Variants in ECE1 observed in about 807,000 individuals in gnomAD.
ECE1 encodes endothelin converting enzyme 1, also known as endothelin-converting enzyme 1.
A neutral mutation model predicts 98.6 loss-of-function variants in ECE1; 35 were observed. The observed-to-expected ratio is 0.35, with a 90% CI of 0.27 to 0.47. ECE1 has a LOEUF of 0.47. ECE1 is among the 20% of genes least tolerant of loss of function. The pLI, the probability that ECE1 is intolerant of heterozygous loss-of-function variation, is 1.00. For missense variants in ECE1, 814 were observed against 1,025.3 expected (o/e 0.79, Z 2.81); for synonymous variants, 394 against 407.1 (o/e 0.97, Z 0.39).
intron 1 of ECE1, among the ~76,000 whole-genome samples, chr1:21,313,326 C>T (rs540454378): frequency 4.6e-5 from 7 of 152,318 alleles, no homozygotes; most frequent in African/African-American, 1.7e-4. Context: ...CAGTACACTC[C>T]ATCCCCCTCA....
chr1:21,273,187 A>G (rs751665233), intron 3 of ECE1, among the ~76,000 whole-genome samples: 1 of 152,094 alleles, frequency 6.6e-6, no homozygotes, highest in Non-Finnish European at 1.5e-5. Flanking sequence ...ATATTCATTG[A>G]CTCTTTATTA....
At chr1:21,239,031 CTA>C (rs1256438029) in intron 10 of ECE1, among the ~76,000 whole-genome samples, 2 of 151,032 alleles carry the variant, frequency 1.3e-5, no homozygotes, top group African/African-American at 4.9e-5. Flanking sequence ...CATCATCCCA[CTA>C]TGTTGCCCAG....
At chr1:21,275,098 G>T (rs1273228569) in intron 3 of ECE1, among the ~76,000 whole-genome samples, 2 of 152,186 alleles carry the variant, frequency 1.3e-5, no homozygotes, top group Non-Finnish European at 2.9e-5. Context: ...ACCACAGGAA[G>T]GAAAATTTTA....
intron 1 of ECE1, among the ~76,000 whole-genome samples, chr1:21,302,952 C>T (rs1474093260): frequency 6.6e-6 from 1 of 152,172 alleles, no homozygotes; most frequent in Non-Finnish European, 1.5e-5. Flanking sequence ...ATCCTCATCT[C>T]CAGCTCTCCC....
At chr1:21,241,915 T>C (rs1283178744) in intron 10 of ECE1, among the ~76,000 whole-genome samples, 3 of 152,274 alleles carry the variant, frequency 2.0e-5, no homozygotes, top group Admixed American at 2.0e-4. Flanking sequence ...GAGTCAGGTC[T>C]GGGAAGATGA....
chr1:21,342,820 T>C (rs1165017581), intron 1 of ECE1, among the ~76,000 whole-genome samples: 1 of 152,110 alleles, frequency 6.6e-6, no homozygotes, highest in Non-Finnish European at 1.5e-5. Flanking sequence ...GGAACCAATG[T>C]TTAGAGGAAA....
chr1:21,245,127 G>A (rs556873427), intron 9 of ECE1, 24 bp from the exon 10 acceptor site: 1 of 1,600,590 alleles, frequency 6.2e-7, no homozygotes, highest in Middle Eastern at 1.7e-4. Flanking sequence ...AGGCCAGAGA[G>A]GCTCAGGGAC....
In ECE1 at chr1:21,219,749, C is replaced by T. The variant is rs1289858681; in HGVS notation, c.*206G>A. ...TGCTGAAGGTGGCGCACACGTGTGCCTGGGATGTCCGGCTCTTCACAGGGG... is the reference window on the plus strand; with the variant it reads ...TGCTGAAGGTGGCGCACACGTGTGCTTGGGATGTCCGGCTCTTCACAGGGG... On this transcript the variant is annotated 3_prime_UTR_variant, in exon 19 of 19. Coordinates refer to ENST00000374893, the MANE Select transcript of ECE1 (RefSeq NM_001397.3). The surrounding 1 kb of genome is among the most constrained non-coding windows in gnomAD (Gnocchi z 4.5). The T allele has an allele frequency of 7.7e-6, 5 of 651,480 alleles. No individual in the cohort carries two copies. Among genetic ancestry groups the T allele is most frequent in the Non-Finnish European group, 1.3e-5 (5 of 372,934 alleles). The allele number at this position is 651,480 out of a possible 1,614,324, so 40.4% of individuals were successfully genotyped here. A position where few individuals can be genotyped will look rare whatever the true frequency, so the allele number is the denominator to read the frequency against.
intron 9 of ECE1, 94 bp from the exon 10 acceptor site, chr1:21,245,197 G>A (rs908938072): frequency 1.8e-6 from 2 of 1,118,524 alleles, no homozygotes. Flanking sequence ...TCTCAAACTT[G>A]GCCTGTGACC....
At chr1:21,257,722 C>G in intron 6 of ECE1, 132 bp from the exon 7 acceptor site, 1 of 932,042 alleles carries the variant, frequency 1.1e-6, no homozygotes, top group Non-Finnish European at 1.7e-6. Flanking sequence ...AGCAGGACTG[C>G]TGGCTACAGT....
chr1:21,345,105 G>A lies in ECE1; in HGVS notation c.3+271C>T, dbSNP rs1361476837. ...AGCAACCGTCCCCAAAGCGAACCGGGGACCCCGAGCCCCCCACATCCGGCT... is the reference window on the plus strand; with the variant it reads ...AGCAACCGTCCCCAAAGCGAACCGGAGACCCCGAGCCCCCCACATCCGGCT... On this transcript the variant is annotated intron_variant, in intron 1 of 18. Transcript: ENST00000415912. The surrounding 1 kb of genome is among the most constrained non-coding windows in gnomAD (Gnocchi z 5.1). 8.0e-6 allele frequency: 2 copies of A among 250,978 alleles called. No homozygotes were observed. The highest frequency in any genetic ancestry group is 5.6e-5 in the Admixed American group (1 of 17,840). The allele number at this position is 250,978 out of a possible 1,614,324, so 15.5% of individuals were successfully genotyped here. A position where few individuals can be genotyped will look rare whatever the true frequency, so the allele number is the denominator to read the frequency against.
chr1:21,311,227 GC>G (rs1638715567), intron 1 of ECE1, among the ~76,000 whole-genome samples: 1 of 152,130 alleles, frequency 6.6e-6, no homozygotes, highest in Non-Finnish European at 1.5e-5. Flanking sequence ...ACACCACAGG[GC>G]CTGCAGGGTC....
At chr1:21,324,291 C>T (rs961233308) in intron 1 of ECE1, among the ~76,000 whole-genome samples, 1 of 152,216 alleles carries the variant, frequency 6.6e-6, no homozygotes, top group Admixed American at 6.5e-5. Flanking sequence ...TGTGCACCAC[C>T]ACACCCGGGC....
chr1:21,246,187 T>G (rs1310746551), intron 9 of ECE1, among the ~76,000 whole-genome samples: 4 of 152,090 alleles, frequency 2.6e-5, no homozygotes, highest in Non-Finnish European at 5.9e-5. Flanking sequence ...TTTTGGTAGT[T>G]TTCAAAAAAT....
rs113034242 is a variant in ECE1, at chr1:21,345,091, C to T, written c.3+285G>A. ...CCAAAACAGACCGCAGCAACCGTCC[C>T]CAAAGCGAACCGGGGACCCCGAGCC... On this transcript the variant is annotated intron_variant, in intron 1 of 18. Coordinates refer to the ECE1 transcript ENST00000415912. This position sits in a 1 kb window ranked among gnomAD's most constrained non-coding sequence, Gnocchi z 5.1. 8.5e-3 allele frequency: 1,985 copies of T among 232,920 alleles called. 44 individuals carry two copies. The highest frequency in any genetic ancestry group is 0.042 in the African/African-American group (1,812 of 43,518). 14.4% of individuals were successfully genotyped at this position (232,920 alleles called of 1,614,324 possible).
chr1:21,323,868 A>T (rs551651730), intron 1 of ECE1, among the ~76,000 whole-genome samples: 83 of 145,810 alleles, frequency 5.7e-4, no homozygotes, highest in Middle Eastern at 3.3e-3. Context: ...CCCAGGCTGG[A>T]GTGCAATGGT....
rs2098224676 is a variant in ECE1 at position 21,260,016 on chromosome 1, A to G, written c.615+255T>C. Reference sequence around the variant, plus strand: ...GCACAGAGAGACACACAGACAGATGACAGACATCTACAACAGATGCTGACA... The same window carrying G: ...GCACAGAGAGACACACAGACAGATGGCAGACATCTACAACAGATGCTGACA... On this transcript the variant is annotated intron_variant, in intron 5 of 18. Coordinates refer to ENST00000374893, the MANE Select transcript of ECE1 (RefSeq NM_001397.3). The surrounding 1 kb of genome is among the most constrained non-coding windows in gnomAD (Gnocchi z 4.3). Among the ~76,000 whole-genome samples the G allele has an allele frequency of 6.6e-6, 1 of 152,244 alleles. No individual in the cohort carries two copies. The highest frequency in any genetic ancestry group is 6.5e-5 in the Admixed American group (1 of 15,288).
chr1:21,311,455 T>G (rs1309217962), intron 1 of ECE1, among the ~76,000 whole-genome samples: 1 of 143,962 alleles, frequency 6.9e-6, no homozygotes, highest in East Asian at 2.0e-4. Context: ...GGAGGATCGC[T>G]TGAGACCAGC....
Position 21,319,924 on chromosome 1 carries a change from C to T in ECE1, c.3+25452G>A, listed in dbSNP as rs1263601213. ...CACCCCACTCCAGATCTTCTGTTTA[C>T]ACTCGGCAGCAGCGTCCCATCTTTT... is the stretch of plus-strand genomic sequence containing the variant. On this transcript the variant is annotated intron_variant, in intron 1 of 18. Coordinates refer to the ECE1 transcript ENST00000415912. This position sits in a 1 kb window ranked among gnomAD's most constrained non-coding sequence, Gnocchi z 4.4. 6.6e-6 allele frequency among the ~76,000 whole-genome samples: 1 copy of T among 152,214 alleles called. No individual in the cohort carries two copies. Among genetic ancestry groups the T allele is most frequent in the Non-Finnish European group, 1.5e-5 (1 of 68,044 alleles).
Sources: allele counts gnomAD v4.1 joint callset (sites outside exome capture counted in the v4.1 genomes callset), GRCh38; gene constraint gnomAD v4.1.1; non-coding constraint Gnocchi (gnomAD v3.1); transcripts MANE v1.5; gene names NCBI Gene and HGNC (gene_info 2026-07-23, HGNC 2026-07-21).